The following HDLBP variants were observed in gnomAD, a reference collection of about 807,000 sequenced individuals.
The protein encoded by HDLBP is vigilin.
Under a neutral mutation model 137.3 loss-of-function variants are expected in HDLBP, and 30 were observed. The observed-to-expected ratio is 0.22, with a 90% CI of 0.16 to 0.30. The LOEUF (loss-of-function observed/expected upper bound fraction) is 0.30. Ranked by LOEUF, HDLBP falls within the 10% of genes least tolerant of loss-of-function variation. The pLI is 1.00. For missense variants in HDLBP, 1,119 were observed against 1,667.3 expected (o/e 0.67, Z 5.73); for synonymous variants, 606 against 596.0 (o/e 1.02, Z -0.24).
At chr2:241,262,586 T>C (rs1418198870) in intron 5 of HDLBP, 125 bp downstream of exon 5, 3 of 679,318 alleles carry the variant, frequency 4.4e-6, no homozygotes, top group Admixed American at 2.6e-5. Context: ...GTTGCTGTCC[T>C]ACCTCCAAAA....
chr2:241,239,909 G>A lies in HDLBP; in HGVS notation c.2383C>T (p.Gln795Ter). The change falls in exon 18 of 28, where the codon CAA becomes TAA. Residue 795 changes from glutamine (Q) to a stop codon, truncating the protein, a stop_gained. Transcript: ENST00000310931. LOFTEE classifies it high-confidence loss of function. This position sits in a 1 kb window ranked among gnomAD's most constrained non-coding sequence, Gnocchi z 4.6. The stretch of plus-strand genomic sequence containing the variant: ...CGAGGCCCGCTCCCTACCAGGTTTT[G>A]GATCAAGGCCTCCAGCTCCTTCTGT... The part of the protein sequence containing the change: ...EAQKELEALI[Q>*]NLDNVVEDSM... The A allele has an allele frequency of 6.2e-7, 1 of 1,614,050 alleles. No homozygotes were observed. Among genetic ancestry groups the A allele is most frequent in the Non-Finnish European group, 8.5e-7 (1 of 1,179,952 alleles).
At chr2:241,268,104 T>C (rs537357202) in intron 2 of HDLBP, among the ~76,000 whole-genome samples, 2 of 152,274 alleles carry the variant, frequency 1.3e-5, no homozygotes, top group Admixed American at 1.3e-4. Context: ...GGCCAAGTAA[T>C]AAGGAGTGAA....
In HDLBP at chr2:241,230,824, G is replaced by A; in HGVS notation, c.3409C>T (p.Arg1137Cys). Residue 1137 changes from arginine to cysteine, a missense_variant, in exon 25 of 28, where the codon CGC becomes TGC. Around this residue, in one of 4 missense-constraint regions of HDLBP, gnomAD observed 618 missense variants for 816.7 expected, o/e 0.76. Coordinates refer to ENST00000310931, the MANE Select transcript of HDLBP (RefSeq NM_005336.6). This position sits in a 1 kb window ranked among gnomAD's most constrained non-coding sequence, Gnocchi z 5.0. ...GCACCAATGATGCGGGCGTGAACGCGGTGGTCCAGCGGGACGTCCTCAGAA... is the reference window on the plus strand; with the variant it reads ...GCACCAATGATGCGGGCGTGAACGCAGTGGTCCAGCGGGACGTCCTCAGAA... ...MVSEDVPLDH[R>C]VHARIIGARG... 4 of 1,614,216 alleles carry A rather than the reference G, an allele frequency of 2.5e-6. No homozygotes were observed. Among genetic ancestry groups the A allele is most frequent in the South Asian group, 2.2e-5 (2 of 91,090 alleles).
In HDLBP at chr2:241,230,836, G is replaced by A. The variant is rs2069658516; in HGVS notation, c.3397C>T (p.Pro1133Ser). The change falls in exon 25 of 28, where the codon CCG (proline) becomes TCG (serine). Residue 1133 changes from proline to serine, a missense_variant. Transcript: ENST00000310931. This position sits in a 1 kb window ranked among gnomAD's most constrained non-coding sequence, Gnocchi z 5.0. ...ELEQMVSEDV[P>S]LDHRVHARII... ...CGGGCGTGAACGCGGTGGTCCAGCG[G>A]GACGTCCTCAGAAACCATCTGCTCA... 1.2e-6 allele frequency: 2 copies of A among 1,614,138 alleles called. No individual in the cohort carries two copies. Among genetic ancestry groups the A allele is most frequent in the Admixed American group, 1.7e-5 (1 of 60,014 alleles).
intron 4 of HDLBP, 31 bp downstream of exon 4, chr2:241,264,417 A>G (rs953480104): frequency 1.3e-5 from 20 of 1,525,314 alleles, no homozygotes; most frequent in Non-Finnish European, 1.7e-5. Flanking sequence ...TTACATGATA[A>G]AATTTTTAAA....
At chr2:241,284,571 A>G (rs776385674) in intron 1 of HDLBP, among the ~76,000 whole-genome samples, 1 of 152,260 alleles carries the variant, frequency 6.6e-6, no homozygotes, top group East Asian at 1.9e-4. Context: ...AGAATATTAC[A>G]TAAACTTAGC....
chr2:241,247,265 G>GA (rs2149440680), intron 14 of HDLBP, 123 bp from the exon 15 acceptor site: 1 of 681,286 alleles, frequency 1.5e-6, no homozygotes, highest in Non-Finnish European at 2.7e-6. Context: ...CAAACCTTCA[G>GA]AGGTTTGTCA....
intron 5 of HDLBP, among the ~76,000 whole-genome samples, chr2:241,260,340 G>C (rs375996008): frequency 6.6e-6 from 1 of 152,130 alleles, no homozygotes; most frequent in African/African-American, 2.4e-5. Context: ...ATGACAGAAA[G>C]CTGCAGGGAA....
At chr2:241,277,968 A>G (rs1007420146) in intron 1 of HDLBP, among the ~76,000 whole-genome samples, 4 of 152,160 alleles carry the variant, frequency 2.6e-5, no homozygotes, top group African/African-American at 9.7e-5. Context: ...TCTCAAAAAA[A>G]ACCAAAAAAC....
At position 241,230,214 on chromosome 2, in the gene HDLBP, G is replaced by A. The variant is rs779520491; in HGVS notation, c.3530C>T (p.Thr1177Met). The change falls in exon 26 of 28, where the codon ACG becomes ATG. Residue 1177 changes from threonine (T) to methionine (M), a missense_variant. By Grantham distance (81) the Thr-to-Met change is moderately conservative. This residue lies in a region of HDLBP where 618 missense variants were observed against 816.7 expected (regional missense o/e 0.76). Coordinates refer to ENST00000310931, the MANE Select transcript of HDLBP (RefSeq NM_005336.6). This position sits in a 1 kb window ranked among gnomAD's most constrained non-coding sequence, Gnocchi z 5.0. ...GAPDPNCVTV[T>M]GLPENVEEAI... The stretch of plus-strand genomic sequence containing the variant: ...TTCCTCCACATTCTCTGGGAGCCCC[G>A]TCACAGTGACGCAGTTGGGGTCTGG... 35 of 1,613,206 alleles carry A rather than the reference G, an allele frequency of 2.2e-5. No individual in the cohort carries two copies. Among genetic ancestry groups the A allele is most frequent in the Non-Finnish European group, 2.6e-5 (31 of 1,179,466 alleles).
chr2:241,301,668 A>G (rs1030412687), intron 1 of HDLBP, among the ~76,000 whole-genome samples: 12 of 152,166 alleles, frequency 7.9e-5, no homozygotes, highest in Non-Finnish European at 1.5e-4. Flanking sequence ...TCAGTCTTCT[A>G]TTTACAAGCT....
chr2:241,242,744 A>AT, intron 16 of HDLBP, 66 bp from the exon 17 acceptor site: 1 of 1,308,556 alleles, frequency 7.6e-7, no homozygotes, highest in Non-Finnish European at 1.1e-6. Context: ...AGAGGAAAAG[A>AT]TAAACTATCA....
intron 1 of HDLBP, among the ~76,000 whole-genome samples, chr2:241,299,667 G>A (rs189242113): frequency 2.0e-5 from 3 of 152,160 alleles, no homozygotes; most frequent in East Asian, 1.9e-4. Context: ...TGTAATCCCA[G>A]CACTCTGGGA....
At chr2:241,279,338 TA>T (rs201023746) in intron 1 of HDLBP, among the ~76,000 whole-genome samples, 2 of 152,008 alleles carry the variant, frequency 1.3e-5, no homozygotes, top group African/African-American at 4.8e-5. Context: ...CACTGAATTG[TA>T]AAAAAAATTA....
intron 1 of HDLBP, among the ~76,000 whole-genome samples, chr2:241,308,618 C>G (rs7599888): frequency 0.48 from 72,423 of 151,914 alleles, 19,093 homozygotes; most frequent in East Asian, 0.78. Flanking sequence ...TACTGTTTTG[C>G]GGGGTATGCA....
rs772630121 is a variant in HDLBP at position 241,229,869 on chromosome 2, C to T, written c.3684G>A (p.Val1228=). 3.2e-6 allele frequency: 5 copies of T among 1,586,922 alleles called. No individual in the cohort carries two copies. The highest frequency in any genetic ancestry group is 1.7e-4 in the Middle Eastern group (1 of 6,020). The change falls in exon 27 of 28, where the codon GTG becomes GTA. Residue 1228 remains valine, a synonymous_variant. Coordinates refer to ENST00000310931, the MANE Select transcript of HDLBP (RefSeq NM_005336.6). ...TGCTGGCGGTCCAGGGTGCGTCCCG[C>T]ACCACAAAGCCTCTGGAAGGTGCCT... is the stretch of plus-strand genomic sequence containing the variant. The part of the protein sequence containing the change: ...EAKAPSRGFV[V]RDAPWTASSS...
intron 12 of HDLBP, 69 bp from the exon 13 acceptor site, chr2:241,248,417 G>T: frequency 1.6e-6 from 2 of 1,246,860 alleles, no homozygotes; most frequent in Middle Eastern, 1.9e-4. Context: ...TGACACAAGG[G>T]GACACCAGGG....
rs2072507618 is a variant in HDLBP at position 241,255,093 on chromosome 2, C to T, written c.1146G>A (p.Lys382=). 2 of 1,614,058 alleles carry T rather than the reference C, an allele frequency of 1.2e-6. No individual in the cohort carries two copies. Among genetic ancestry groups the T allele is most frequent in the Non-Finnish European group, 1.7e-6 (2 of 1,180,032 alleles). Residue 382 remains lysine (K), a synonymous_variant, in exon 9 of 28, where the codon AAG becomes AAA. Transcript: ENST00000310931. ...TGATTTTGGCCAGGTTCTGCCCTTT[C>T]TTGCCAATGATGAAACGGTGAAGCC... ...PSWLHRFIIG[K]KGQNLAKITQ...
In HDLBP at chr2:241,238,102, G is replaced by A. The variant is rs1175058373; in HGVS notation, c.2749+547C>T. Among the ~76,000 whole-genome samples, 1 of 152,218 alleles carries A rather than the reference G, an allele frequency of 6.6e-6. No homozygotes were observed. Among genetic ancestry groups the A allele is most frequent in the East Asian group, 1.9e-4 (1 of 5,196 alleles). ...TTTGTTTCACAAATGCAGAGCAAGT[G>A]AGAGAGAGGCAACCGACCCGCATCC... On this transcript the variant is annotated intron_variant, in intron 20 of 27. Transcript: ENST00000310931. This position sits in a 1 kb window ranked among gnomAD's most constrained non-coding sequence, Gnocchi z 4.9.
Sources: gnomAD v4.1 joint callset for allele counts (sites outside exome capture counted in the v4.1 genomes callset) on GRCh38, gnomAD v4.1.1 for gene constraint, gnomAD v4.1.1 regional missense constraint, Gnocchi (gnomAD v3.1) non-coding constraint, MANE v1.5 for transcripts, NCBI Gene and HGNC (gene_info 2026-07-23, HGNC 2026-07-21) for gene names.